The following KANK1 variants were observed in gnomAD, a reference collection of about 807,000 sequenced individuals.
KANK1 encodes KN motif and ankyrin repeat domain-containing protein 1.
In KANK1, 109 loss-of-function variants were observed where a neutral mutation model predicts 106.2. The observed-to-expected ratio is 1.03, with a 90% CI of 0.88 to 1.20. KANK1 has a LOEUF of 1.20. Ranked by LOEUF, KANK1 falls within the 50% of genes most tolerant of loss-of-function variation. The pLI is 0.00. For synonymous variants in KANK1, 873 were observed against 652.2 expected, an observed-to-expected ratio of 1.34 and a Z score of -5.16; for missense variants, 2,399 against 1,710.7, an observed-to-expected ratio of 1.40 and a Z score of -7.10.
intron 1 of KANK1, among the ~76,000 whole-genome samples, chr9:564,697 A>G (rs1375000094): frequency 6.6e-6 from 1 of 152,140 alleles, no homozygotes; most frequent in East Asian, 1.9e-4. Flanking sequence ...GGCTCTTTGC[A>G]GCCGCTCTTC....
At chr9:628,407 A>AGG (rs920406997) in intron 1 of KANK1, among the ~76,000 whole-genome samples, 1 of 147,306 alleles carries the variant, frequency 6.8e-6, no homozygotes, top group Non-Finnish European at 1.5e-5. Flanking sequence ...GCCTCCCAGT[A>AGG]GGGGGGGTTC....
intron 1 of KANK1, among the ~76,000 whole-genome samples, chr9:552,194 A>G (rs1175633915): frequency 6.6e-6 from 1 of 152,144 alleles, no homozygotes; most frequent in Admixed American, 6.5e-5. Context: ...TCTGAGGGGG[A>G]AAAGCGGAAA....
At chr9:501,863 A>G (rs1395732082), upstream of KANK1, among the ~76,000 whole-genome samples, 1 of 152,194 alleles carries the variant, frequency 6.6e-6, no homozygotes, top group African/African-American at 2.4e-5. Context: ...GAGTCTTTAT[A>G]TAAATCCAAG....
At chr9:710,664 G>A (rs1425597575) in intron 2 of KANK1, 140 bp from the exon 3 acceptor site, 5 of 493,690 alleles carry the variant, frequency 1.0e-5, no homozygotes, top group Non-Finnish European at 1.7e-5. Flanking sequence ...TTACCCAGCT[G>A]TTGTAGATCC....
chr9:584,147 G>T (rs573448625), intron 1 of KANK1, among the ~76,000 whole-genome samples: 2 of 152,138 alleles, frequency 1.3e-5, no homozygotes, highest in African/African-American at 2.4e-5. Context: ...TGCTTCAAGG[G>T]AATTTATTAA....
chr9:587,145 CAT>C (rs1362061791), intron 1 of KANK1, among the ~76,000 whole-genome samples: 1 of 152,098 alleles, frequency 6.6e-6, no homozygotes, highest in African/African-American at 2.4e-5. Flanking sequence ...ATTAAGATAA[CAT>C]ATCGTTTTTT....
chr9:659,740 G>T (rs1006987237), intron 1 of KANK1, among the ~76,000 whole-genome samples: 6 of 151,972 alleles, frequency 3.9e-5, no homozygotes, highest in African/African-American at 1.5e-4. Context: ...CAAACAACCA[G>T]TTCTCGGGGG....
chr9:727,755 C>A (rs1014833159), intron 3 of KANK1, among the ~76,000 whole-genome samples: 2 of 151,076 alleles, frequency 1.3e-5, no homozygotes, highest in Non-Finnish European at 2.9e-5. Flanking sequence ...TAGGATCACA[C>A]AATACATGGA....
intron 2 of KANK1, among the ~76,000 whole-genome samples, chr9:694,646 A>T (rs1347045209): frequency 6.6e-6 from 1 of 152,204 alleles, no homozygotes; most frequent in Non-Finnish European, 1.5e-5. Flanking sequence ...ATGCCTCCCT[A>T]GCACAATGTG....
upstream of KANK1, among the ~76,000 whole-genome samples, chr9:504,544 G>A (rs1197582080): frequency 1.3e-5 from 2 of 150,448 alleles, no homozygotes; most frequent in African/African-American, 5.0e-5. Context: ...GCGCCGCTCC[G>A]GGGCGCAGCC....
At chr9:622,212 T>C (rs575697162) in intron 1 of KANK1, among the ~76,000 whole-genome samples, 1 of 152,302 alleles carries the variant, frequency 6.6e-6, no homozygotes, top group Admixed American at 6.5e-5. Flanking sequence ...CTTCTACTTT[T>C]AGTATCCATA....
intron 1 of KANK1, among the ~76,000 whole-genome samples, chr9:662,972 T>C (rs10975634): frequency 0.84 from 127,627 of 152,184 alleles, 53,660 homozygotes; most frequent in East Asian, 0.97. Flanking sequence ...TAAACCCTTA[T>C]TTAACTAAAA....
At chr9:473,603 C>A (rs1204763870) in intron 3 of KANK1, among the ~76,000 whole-genome samples, 1 of 152,200 alleles carries the variant, frequency 6.6e-6, no homozygotes, top group Non-Finnish European at 1.5e-5. Context: ...TGGGTATTCA[C>A]CACTTATTTT....
At chr9:663,676 C>T (rs2885160) in intron 1 of KANK1, among the ~76,000 whole-genome samples, 127,456 of 152,038 alleles carry the variant, frequency 0.84, 53,564 homozygotes, top group East Asian at 0.97. Context: ...GAAAGAAACT[C>T]TGGAAGTGTC....
intron 1 of KANK1, among the ~76,000 whole-genome samples, chr9:671,225 G>GTT (rs34085331): frequency 4.0e-5 from 6 of 149,816 alleles, no homozygotes; most frequent in African/African-American, 1.5e-4. Context: ...ACCTGGTGGA[G>GTT]TTTTTTTTTT....
chr9:719,837 A>T (rs1399738313), intron 3 of KANK1, among the ~76,000 whole-genome samples: 1 of 151,994 alleles, frequency 6.6e-6, no homozygotes, highest in Non-Finnish European at 1.5e-5. Context: ...TGCAGCCCCC[A>T]ACTTCTGGGC....
chr9:577,948 C>G (rs534544297), intron 1 of KANK1, among the ~76,000 whole-genome samples: 1 of 152,282 alleles, frequency 6.6e-6, no homozygotes, highest in African/African-American at 2.4e-5. Context: ...CCAAAGAGTG[C>G]TAGTTGTTGA....
At chr9:696,128 C>G (rs1821223009) in intron 2 of KANK1, among the ~76,000 whole-genome samples, 1 of 152,002 alleles carries the variant, frequency 6.6e-6, no homozygotes, top group African/African-American at 2.4e-5. Flanking sequence ...ACTAAAAATA[C>G]AAAAAATTAG....
intron 3 of KANK1, among the ~76,000 whole-genome samples, chr9:486,134 G>A (rs931237950): frequency 2.0e-5 from 3 of 152,014 alleles, no homozygotes; most frequent in South Asian, 2.1e-4. Context: ...TTTATTAATT[G>A]AATATCAGAC....
Sources: gnomAD v4.1 joint callset for allele counts (sites outside exome capture counted in the v4.1 genomes callset) on GRCh38, gnomAD v4.1.1 for gene constraint, MANE v1.5 for transcripts, NCBI Gene and HGNC (gene_info 2026-07-23, HGNC 2026-07-21) for gene names.